CDH17: variants seen among roughly 807,000 people sequenced by gnomAD.
CDH17 encodes the protein cadherin-17.
CDH17 carries 67 observed loss-of-function variants against 86.3 expected under a neutral mutation model. The observed-to-expected ratio is 0.78, with a 90% CI of 0.64 to 0.95. The LOEUF (loss-of-function observed/expected upper bound fraction) is 0.95, where lower values mean the gene tolerates loss of function less well. Ranked by LOEUF, CDH17 falls within the 40% of genes least tolerant of loss-of-function variation. The probability of loss-of-function intolerance (pLI) is 0.00; values close to 1 mark genes in which losing one functional copy is unlikely to be tolerated. For missense variants in CDH17, 993 were observed against 1,017.6 expected (o/e 0.98, Z 0.33); for synonymous variants, 367 against 366.4 (o/e 1.00, Z -0.02).
At chr8:94,134,910 C>T (rs927085515) in intron 15 of CDH17, among the ~76,000 whole-genome samples, 3 of 152,128 alleles carry the variant, frequency 2.0e-5, no homozygotes, top group South Asian at 2.1e-4. Flanking sequence ...GCCTTCATTT[C>T]GTTATTTATC....
intron 9 of CDH17, 117 bp downstream of exon 9, chr8:94,170,280 T>A (rs1813241482): frequency 9.6e-7 from 1 of 1,046,944 alleles, no homozygotes; most frequent in Non-Finnish European, 1.4e-6. Flanking sequence ...AGTCAACCTC[T>A]ATGCTGTGGA....
chr8:94,150,085 A>T (rs537777604), intron 13 of CDH17, among the ~76,000 whole-genome samples: 1 of 152,372 alleles, frequency 6.6e-6, no homozygotes, highest in South Asian at 2.1e-4. Flanking sequence ...ATGATGTGTT[A>T]ATTTCCCACA....
At chr8:94,180,071 CTCA>C (rs1298195531) in intron 3 of CDH17, among the ~76,000 whole-genome samples, 2 of 151,694 alleles carry the variant, frequency 1.3e-5, no homozygotes, top group East Asian at 3.9e-4. Context: ...AAAACAATGC[CTCA>C]TCAGATATAG....
intron 3 of CDH17, among the ~76,000 whole-genome samples, 165 bp from the exon 4 acceptor site, chr8:94,177,886 C>T (rs1813405801): frequency 6.6e-6 from 1 of 152,194 alleles, no homozygotes; most frequent in Admixed American, 6.5e-5. Flanking sequence ...TGCACAATAA[C>T]TGTGTAACAT....
intron 7 of CDH17, among the ~76,000 whole-genome samples, chr8:94,172,045 T>A (rs993427943): frequency 1.2e-3 from 153 of 127,982 alleles, no homozygotes; most frequent in Middle Eastern, 4.2e-3. Context: ...CCTCTCCCCC[T>A]CTCTCTTTCT....
intron 2 of CDH17, among the ~76,000 whole-genome samples, chr8:94,192,550 C>T (rs557396932): frequency 5.6e-4 from 86 of 152,266 alleles, no homozygotes; most frequent in Middle Eastern, 6.8e-3. Flanking sequence ...CCAGACCCAG[C>T]GCCATTGGAC....
intron 1 of CDH17, among the ~76,000 whole-genome samples, chr8:94,205,270 C>A (rs1211661984): frequency 6.6e-6 from 1 of 151,730 alleles, no homozygotes; most frequent in Admixed American, 6.6e-5. Context: ...GGTGGCTTGA[C>A]TTTTTTTTGA....
At chr8:94,168,142 A>ACATG (rs1195449044) in intron 9 of CDH17, among the ~76,000 whole-genome samples, 1 of 53,312 alleles carries the variant, frequency 1.9e-5, no homozygotes, top group African/African-American at 6.5e-5. Flanking sequence ...ATATATATAT[A>ACATG]TATATATATA....
At chr8:94,191,608 A>G (rs1216452198) in intron 2 of CDH17, among the ~76,000 whole-genome samples, 1 of 151,432 alleles carries the variant, frequency 6.6e-6, no homozygotes, top group Non-Finnish European at 1.5e-5. Flanking sequence ...CCCCCCCACC[A>G]TGCCCGACTA....
chr8:94,216,970 C>G (rs1396817936), intron 1 of CDH17, among the ~76,000 whole-genome samples: 1 of 152,170 alleles, frequency 6.6e-6, no homozygotes, highest in South Asian at 2.1e-4. Flanking sequence ...GGTGTCTACC[C>G]TCTACCAAGC....
intron 15 of CDH17, among the ~76,000 whole-genome samples, chr8:94,134,841 G>C (rs1812490901): frequency 1.3e-5 from 2 of 152,170 alleles, no homozygotes; most frequent in Admixed American, 1.3e-4. Context: ...ATGTGTCCCA[G>C]AGATTCTGGT....
chr8:94,133,590 A>C (rs563039184), intron 15 of CDH17, among the ~76,000 whole-genome samples: 1 of 152,318 alleles, frequency 6.6e-6, no homozygotes, highest in African/African-American at 2.4e-5. Flanking sequence ...ATATACAATC[A>C]TGTCATGTGC....
chr8:94,142,386 A>G (rs1440879704), intron 15 of CDH17, among the ~76,000 whole-genome samples: 1 of 152,254 alleles, frequency 6.6e-6, no homozygotes, highest in Non-Finnish European at 1.5e-5. Context: ...TTGCCAAAAA[A>G]TGCTAATGAT....
intron 14 of CDH17, among the ~76,000 whole-genome samples, chr8:94,147,244 A>C (rs558472297): frequency 7.0e-4 from 106 of 152,190 alleles, no homozygotes; most frequent in Non-Finnish European, 1.4e-3. Flanking sequence ...TCAAGAGTTA[A>C]ATGTATACAA....
chr8:94,170,613 T>A, intron 8 of CDH17, 66 bp from the exon 9 acceptor site: 1 of 1,540,974 alleles, frequency 6.5e-7, no homozygotes, highest in East Asian at 2.3e-5. Context: ...GCAGAGAAAA[T>A]CGTTGTTTCA....
intron 2 of CDH17, among the ~76,000 whole-genome samples, chr8:94,193,361 C>T (rs7826529): frequency 0.17 from 26,379 of 152,160 alleles, 2,582 homozygotes; most frequent in Non-Finnish European, 0.21. Flanking sequence ...GACGTACACA[C>T]TGAACACTTA....
At position 94,170,993 on chromosome 8, in the gene CDH17, G is replaced by A; in HGVS notation, c.784-8C>T. On this transcript the variant is annotated splice_polypyrimidine_tract_variant and splice_region_variant and intron_variant, in intron 7 of 17. Coordinates refer to ENST00000027335, the MANE Select transcript of CDH17 (RefSeq NM_004063.4). ...GGGATCATTCCACCGCACCTACAGG[G>A]CCCAAAGTCAGTTGTGAGGAAAGCT... The A allele has an allele frequency of 6.2e-7, 1 of 1,612,200 alleles. No individual in the cohort carries two copies. The highest frequency in any genetic ancestry group is 2.2e-5 in the East Asian group (1 of 44,792).
intron 9 of CDH17, among the ~76,000 whole-genome samples, chr8:94,166,837 C>T (rs921243303): frequency 6.6e-6 from 1 of 152,130 alleles, no homozygotes; most frequent in African/African-American, 2.4e-5. Flanking sequence ...CAGGGAACAC[C>T]AGATGCCAAC....
chr8:94,152,233 A>G (rs1432937224), intron 12 of CDH17, 121 bp from the exon 13 acceptor site: 9 of 1,010,072 alleles, frequency 8.9e-6, no homozygotes, highest in Non-Finnish European at 1.3e-5. Context: ...CTGGATATCC[A>G]CATGTGGGAG....
Sources: gnomAD v4.1 joint callset for allele counts (sites outside exome capture counted in the v4.1 genomes callset) on GRCh38, gnomAD v4.1.1 for gene constraint, MANE v1.5 for transcripts, NCBI Gene and HGNC (gene_info 2026-07-23, HGNC 2026-07-21) for gene names.